The following OR56A1 variants were observed in gnomAD, a reference collection of about 807,000 sequenced individuals.
OR56A1 encodes the protein olfactory receptor family 56 subfamily A member 1.
For missense variants in OR56A1, 360 were observed against 380.9 expected, an observed-to-expected ratio of 0.94 and a Z score of 0.46; for synonymous variants, 174 against 159.1, an observed-to-expected ratio of 1.09 and a Z score of -0.70.
chr11:6,033,491 C>A (rs1346639076), upstream of OR56A1, among the ~76,000 whole-genome samples: 2 of 151,108 alleles, frequency 1.3e-5, no homozygotes, highest in Non-Finnish European at 1.5e-5. Flanking sequence ...ATGCCAAGAG[C>A]AAAGTAGTTG....
chr11:6,019,806 CT>C lies in OR56A1; in HGVS notation c.*6941del, dbSNP rs1002180828. On this transcript the variant is annotated 3_prime_UTR_variant, in exon 2 of 2. Coordinates refer to ENST00000641900, the MANE Select transcript of OR56A1 (RefSeq NM_001388488.1). The stretch of plus-strand genomic sequence containing the variant: ...TAAGCCAAAAGTGAATGTCAGAAGG[CT>C]TTTTCTCAAAAGCATTTAGGCACAG... 3 of 152,074 alleles carry C rather than the reference CT, an allele frequency of 2.0e-5. No individual in the cohort carries two copies. Among genetic ancestry groups the C allele is most frequent in the Non-Finnish European group, 4.4e-5 (3 of 67,966 alleles). 9.4% of individuals were successfully genotyped at this position (152,074 alleles called of 1,614,324 possible).
upstream of OR56A1, among the ~76,000 whole-genome samples, chr11:6,034,007 G>T (rs1331439622): frequency 2.0e-5 from 3 of 152,054 alleles, no homozygotes; most frequent in Admixed American, 1.3e-4. Flanking sequence ...TAGACCTTCT[G>T]TTCCTGGTCA....
upstream of OR56A1, among the ~76,000 whole-genome samples, chr11:6,033,814 T>C (rs2133613612): frequency 6.6e-6 from 1 of 152,272 alleles, no homozygotes; most frequent in South Asian, 2.1e-4. Flanking sequence ...GTTCTAACAG[T>C]CTAAAGAAAG....
In OR56A1 at chr11:6,023,660, A is replaced by C. The variant is rs909473302; in HGVS notation, c.*3088T>G. 5.3e-5 allele frequency: 8 copies of C among 152,158 alleles called. No individual in the cohort carries two copies. The highest frequency in any genetic ancestry group is 1.7e-4 in the African/African-American group (7 of 41,436). The allele number at this position is 152,158 out of a possible 1,614,324, so 9.4% of individuals were successfully genotyped here. A position where few individuals can be genotyped will look rare whatever the true frequency, so the allele number is the denominator to read the frequency against. ...CATGTTCTGAATGCACCCTCTTCCAATGCAGTTGGAACATATTCAGGTTGT... is the reference window on the plus strand; with the variant it reads ...CATGTTCTGAATGCACCCTCTTCCACTGCAGTTGGAACATATTCAGGTTGT... On this transcript the variant is annotated 3_prime_UTR_variant, in exon 2 of 2. Coordinates refer to ENST00000641900, the MANE Select transcript of OR56A1 (RefSeq NM_001388488.1).
Position 6,027,715 on chromosome 11 carries a change from G to A in OR56A1, c.-23C>T. The stretch of plus-strand genomic sequence containing the variant: ...CATAGGCTGAATCATGAGCTGAGTA[G>A]GCTTCTGATGACTATGTTTATGGGC... On this transcript the variant is annotated 5_prime_UTR_variant, in exon 2 of 2. Transcript: ENST00000641900. The A allele has an allele frequency of 6.6e-7, 1 of 1,514,852 alleles. No homozygotes were observed. The highest frequency in any genetic ancestry group is 1.3e-5 in the South Asian group (1 of 77,406). 93.8% of individuals were successfully genotyped at this position (1,514,852 alleles called of 1,614,324 possible). A position where few individuals can be genotyped will look rare whatever the true frequency, so the allele number is the denominator to read the frequency against.
Position 6,022,347 on chromosome 11 carries a change from T to C in OR56A1, c.*4401A>G, listed in dbSNP as rs958594242. ...ATCCACATAATAAAAAAAGCATGGG[T>C]CCCTAAATGTTGATGTGGAGCAAAG... On this transcript the variant is annotated 3_prime_UTR_variant, in exon 2 of 2. Coordinates refer to ENST00000641900, the MANE Select transcript of OR56A1 (RefSeq NM_001388488.1). 5.3e-5 allele frequency: 8 copies of C among 152,138 alleles called. No homozygotes were observed. The highest frequency in any genetic ancestry group is 1.7e-4 in the African/African-American group (7 of 41,518). The allele number at this position is 152,138 out of a possible 1,614,324, so 9.4% of individuals were successfully genotyped here. A position where few individuals can be genotyped will look rare whatever the true frequency, so the allele number is the denominator to read the frequency against.
chr11:6,028,333 T>A (rs1279743522), intron 1 of OR56A1, among the ~76,000 whole-genome samples: 1 of 152,002 alleles, frequency 6.6e-6, no homozygotes, highest in Non-Finnish European at 1.5e-5. Flanking sequence ...AGGCTAGTTT[T>A]ACTATAAATT....
intron 1 of OR56A1, among the ~76,000 whole-genome samples, chr11:6,029,939 G>A (rs555653976): frequency 6.6e-6 from 1 of 152,096 alleles, no homozygotes; most frequent in Non-Finnish European, 1.5e-5. Flanking sequence ...GATATTCAAA[G>A]CTCACCAAGT....
Position 6,027,100 on chromosome 11 carries a change from T to A in OR56A1, c.593A>T (p.Asn198Ile). The change falls in exon 2 of 2, where the codon AAC becomes ATC. Residue 198 changes from asparagine (N) to isoleucine (I), a missense_variant. Physicochemically the swap from Asn to Ile is moderately radical, Grantham distance 149. Coordinates refer to ENST00000641900, the MANE Select transcript of OR56A1 (RefSeq NM_001388488.1). Reference sequence around the variant, plus strand: ...ACCAGCCACAAATTGGTAGATTCTGTTAAGGGTGAAATTATCACAGGAGAG... The same window carrying A: ...ACCAGCCACAAATTGGTAGATTCTGATAAGGGTGAAATTATCACAGGAGAG... ...SRLSCDNFTLNRIYQFVAGWT... is the reference protein window; with the variant it reads ...SRLSCDNFTLIRIYQFVAGWT... 6.2e-7 allele frequency: 1 copy of A among 1,614,176 alleles called. No individual in the cohort carries two copies. The highest frequency in any genetic ancestry group is 1.7e-5 in the Admixed American group (1 of 60,028).
At chr11:6,033,299 A>G (rs147717445), upstream of OR56A1, among the ~76,000 whole-genome samples, 140 of 152,056 alleles carry the variant, frequency 9.2e-4, no homozygotes, top group African/African-American at 3.2e-3. Context: ...AGATTCCTAG[A>G]TGTTCCAGCA....
In OR56A1 at chr11:6,025,807, T is replaced by C. The variant is rs910397309; in HGVS notation, c.*941A>G. ...TATCTGTTACTTGAACCTCCTTTTT[T>C]TCATCATTGTCTCCAATACCCACTT... On this transcript the variant is annotated 3_prime_UTR_variant, in exon 2 of 2. Coordinates refer to ENST00000641900, the MANE Select transcript of OR56A1 (RefSeq NM_001388488.1). 1 of 152,260 alleles carries C rather than the reference T, an allele frequency of 6.6e-6. No homozygotes were observed. Among genetic ancestry groups the C allele is most frequent in the Admixed American group, 6.5e-5 (1 of 15,288 alleles). 9.4% of individuals were successfully genotyped at this position (152,260 alleles called of 1,614,324 possible). A position where few individuals can be genotyped will look rare whatever the true frequency, so the allele number is the denominator to read the frequency against.
At chr11:6,034,175 C>T (rs1286382400), upstream of OR56A1, 2 of 152,194 alleles carry the variant, frequency 1.3e-5, no homozygotes, top group Non-Finnish European at 2.9e-5. Context: ...CACTTCCCAC[C>T]TCTCTGCCTA....
At position 6,023,147 on chromosome 11, in the gene OR56A1, AT is replaced by A. The variant is rs1431855399; in HGVS notation, c.*3600del. On this transcript the variant is annotated 3_prime_UTR_variant, in exon 2 of 2. Transcript: ENST00000641900. Reference sequence around the variant, plus strand: ...AACTGGCATTCAATACAGTACCGTTATTCCCACAAATAGCCACAAAGGGGCA... The same window carrying A: ...AACTGGCATTCAATACAGTACCGTTATCCCACAAATAGCCACAAAGGGGCA... 4.6e-5 allele frequency: 7 copies of A among 152,210 alleles called. No homozygotes were observed. Among genetic ancestry groups the A allele is most frequent in the Admixed American group, 4.6e-4 (7 of 15,274 alleles). 9.4% of individuals were successfully genotyped at this position (152,210 alleles called of 1,614,324 possible).
In OR56A1 at chr11:6,020,260, A is replaced by C. The variant is rs1848381959; in HGVS notation, c.*6488T>G. 1 of 152,046 alleles carries C rather than the reference A, an allele frequency of 6.6e-6. No individual in the cohort carries two copies. The highest frequency in any genetic ancestry group is 1.9e-4 in the East Asian group (1 of 5,196). The allele number at this position is 152,046 out of a possible 1,614,324, so 9.4% of individuals were successfully genotyped here. ...TCAAGTATATGTTTGAACAGTCCTAAACTAGGAACTGAATTTCTTTGGCTA... is the reference window on the plus strand; with the variant it reads ...TCAAGTATATGTTTGAACAGTCCTACACTAGGAACTGAATTTCTTTGGCTA... On this transcript the variant is annotated 3_prime_UTR_variant, in exon 2 of 2. Coordinates refer to ENST00000641900, the MANE Select transcript of OR56A1 (RefSeq NM_001388488.1).
chr11:6,033,796 T>C (rs1254380607), upstream of OR56A1, among the ~76,000 whole-genome samples: 1 of 152,142 alleles, frequency 6.6e-6, no homozygotes, highest in East Asian at 1.9e-4. Context: ...TGATTAAATA[T>C]GAAGAATGTT....
rs1848451849 is a variant in OR56A1, at chr11:6,026,796, G to C, written c.897C>G (p.Thr299=). The change falls in exon 2 of 2, where the codon ACC becomes ACG. Residue 299 remains threonine (T), a synonymous_variant. Coordinates refer to ENST00000641900, the MANE Select transcript of OR56A1 (RefSeq NM_001388488.1). ...ALNPIVYGVR[T]KEIKQGIQKL... Reference sequence around the variant, plus strand: ...TCTGAATTCCCTGTTTTATCTCTTTGGTCCGAACCCCATACACAATAGGGT... The same window carrying C: ...TCTGAATTCCCTGTTTTATCTCTTTCGTCCGAACCCCATACACAATAGGGT... 1 of 1,612,166 alleles carries C rather than the reference G, an allele frequency of 6.2e-7. No homozygotes were observed. Among genetic ancestry groups the C allele is most frequent in the Non-Finnish European group, 8.5e-7 (1 of 1,179,184 alleles).
At position 6,026,973 on chromosome 11, in the gene OR56A1, G is replaced by A. The variant is rs761277150; in HGVS notation, c.720C>T (p.Ala240=). The A allele has an allele frequency of 2.5e-6, 4 of 1,614,092 alleles. No individual in the cohort carries two copies. Among genetic ancestry groups the A allele is most frequent in the East Asian group, 2.2e-5 (1 of 44,870 alleles). ...RFKAEGAAVK[A]LSTCGSHFIL... ...TGAAGTGGGAGCCACATGTGCTCAG[G>A]GCCTTCACTGCCGCCCCCTCTGCTT... The change falls in exon 2 of 2, where the codon GCC becomes GCT. Residue 240 remains alanine, a synonymous_variant. Transcript: ENST00000641900.
intron 1 of OR56A1, among the ~76,000 whole-genome samples, chr11:6,028,179 G>A (rs542202442): frequency 1.3e-5 from 2 of 151,492 alleles, no homozygotes; most frequent in Admixed American, 6.6e-5. Flanking sequence ...TGGTATACTA[G>A]AAGAAAATAG....
At position 6,024,532 on chromosome 11, in the gene OR56A1, C is replaced by G. The variant is rs1283993960; in HGVS notation, c.*2216G>C. On this transcript the variant is annotated 3_prime_UTR_variant, in exon 2 of 2. Coordinates refer to ENST00000641900, the MANE Select transcript of OR56A1 (RefSeq NM_001388488.1). ...TTGACCAAATGCTTGAAAATATCACCTGATTACAGATGTATTATATTCCTA... is the reference window on the plus strand; with the variant it reads ...TTGACCAAATGCTTGAAAATATCACGTGATTACAGATGTATTATATTCCTA... 6.6e-6 allele frequency: 1 copy of G among 152,170 alleles called. No homozygotes were observed. The highest frequency in any genetic ancestry group is 2.4e-5 in the African/African-American group (1 of 41,444). The allele number at this position is 152,170 out of a possible 1,614,324, so 9.4% of individuals were successfully genotyped here. A position where few individuals can be genotyped will look rare whatever the true frequency, so the allele number is the denominator to read the frequency against.
Sources: allele counts gnomAD v4.1 joint callset (sites outside exome capture counted in the v4.1 genomes callset), GRCh38; gene constraint gnomAD v4.1.1; transcripts MANE v1.5; gene names NCBI Gene and HGNC (gene_info 2026-07-23, HGNC 2026-07-21).